Variants in TEX14 observed in about 807,000 individuals in gnomAD.
TEX14 encodes the protein inactive serine/threonine-protein kinase TEX14.
TEX14 carries 168 observed loss-of-function variants against 178.6 expected under a neutral mutation model. The observed-to-expected ratio is 0.94, with a 90% confidence interval of 0.83 to 1.07. The LOEUF is 1.07. Ranked by LOEUF, TEX14 falls within the 50% of genes least tolerant of loss-of-function variation. The probability of loss-of-function intolerance (pLI) is 0.00; values close to 1 mark genes in which losing one functional copy is unlikely to be tolerated. For synonymous variants in TEX14, 626 were observed against 634.1 expected, an observed-to-expected ratio of 0.99 and a Z score of 0.19; for missense variants, 1,730 against 1,753.6, an observed-to-expected ratio of 0.99 and a Z score of 0.24.
At chr17:58,616,951 A>G (rs1470837777) in intron 6 of TEX14, among the ~76,000 whole-genome samples, 2 of 152,176 alleles carry the variant, frequency 1.3e-5, no homozygotes, top group Admixed American at 1.3e-4. Flanking sequence ...TCAACACAAC[A>G]AACAGAACGG....
At chr17:58,631,571 C>T (rs1051487304) in intron 2 of TEX14, 9 of 151,778 alleles carry the variant, frequency 5.9e-5, no homozygotes, top group Admixed American at 2.6e-4. Flanking sequence ...CTGGCATAAC[C>T]TTATACTCAA....
chr17:58,640,644 T>TGTGTGAGA lies in TEX14; in HGVS notation c.137-10091_137-10090insTCTCACAC, dbSNP rs1555577606. Among the ~76,000 whole-genome samples the TGTGTGAGA allele has an allele frequency of 7.9e-4, 116 of 147,140 alleles. No individual in the cohort carries two copies. The Middle Eastern group carries it at 0.011, about 13-fold the overall frequency. On this transcript the variant is annotated intron_variant, in intron 2 of 31. Coordinates refer to ENST00000349033, the MANE Select transcript of TEX14 (RefSeq NM_031272.5). ...GTGTGTGTGTGTGTGTGTGTGTGTG[T>TGTGTGAGA]GAGAGAGAGAGAGAGAATGATAAAT...
chr17:58,557,191 C>A (rs1290074309), intron 31 of TEX14, 144 bp from the exon 32 acceptor site: 28 of 690,666 alleles, frequency 4.1e-5, no homozygotes, highest in Non-Finnish European at 7.2e-5. Flanking sequence ...GCGATTATAA[C>A]CAACAGTGTG....
intron 2 of TEX14, among the ~76,000 whole-genome samples, chr17:58,641,270 C>T (rs2046567878): frequency 6.6e-6 from 1 of 151,592 alleles, no homozygotes; most frequent in South Asian, 2.1e-4. Flanking sequence ...ATTAGCTGGG[C>T]GTGGTGGCAC....
Position 58,570,436 on chromosome 17 carries a change from C to A in TEX14, c.3766G>T (p.Ala1256Ser), listed in dbSNP as rs1225352166. Residue 1256 changes from alanine to serine, a missense_variant, in exon 25 of 32, where the codon GCA (alanine) becomes TCA (serine). By Grantham distance (99) the Ala-to-Ser change is moderately conservative (BLOSUM62 1). Coordinates refer to ENST00000349033, the MANE Select transcript of TEX14 (RefSeq NM_031272.5). ...GCATGGGGTGGTGATGAGTCACATGCCTTAACAAGGCTGGGGGATCCAGCC... is the reference window on the plus strand; with the variant it reads ...GCATGGGGTGGTGATGAGTCACATGACTTAACAAGGCTGGGGGATCCAGCC... ...IGAGSPSLVK[A>S]CDSSPPHATQ... 2 of 1,523,382 alleles carry A rather than the reference C, an allele frequency of 1.3e-6. No homozygotes were observed. The highest frequency in any genetic ancestry group is 1.5e-5 in the African/African-American group (1 of 68,382). 94.4% of individuals were successfully genotyped at this position (1,523,382 alleles called of 1,614,324 possible).
At chr17:58,627,957 GTTGCCC>G (rs2046187148) in intron 3 of TEX14, among the ~76,000 whole-genome samples, 2 of 107,120 alleles carry the variant, frequency 1.9e-5, no homozygotes, top group Non-Finnish European at 3.4e-5. Context: ...CAGGGTCTCT[GTTGCCC>G]AGGCTAGTCT....
At chr17:58,617,702 G>A in intron 5 of TEX14, 83 bp from the exon 6 acceptor site, 1 of 954,116 alleles carries the variant, frequency 1.0e-6, no homozygotes, top group Non-Finnish European at 1.6e-6. Context: ...GTTTTCAGAA[G>A]GTGTAGTTGA....
At chr17:58,631,794 T>C (rs1018658939) in intron 2 of TEX14, 8 of 152,230 alleles carry the variant, frequency 5.3e-5, no homozygotes, top group Admixed American at 1.3e-4. Context: ...GATATACTCC[T>C]CGAGAAACAC....
intron 1 of TEX14, chr17:58,661,112 C>T: frequency 1.1e-6 from 1 of 923,368 alleles, no homozygotes; most frequent in Non-Finnish European, 1.8e-6. Flanking sequence ...CTGCTTGTAT[C>T]GCTCTATTTT....
At chr17:58,603,770 C>T (rs1050112698) in intron 11 of TEX14, among the ~76,000 whole-genome samples, 1 of 151,312 alleles carries the variant, frequency 6.6e-6, no homozygotes, top group Admixed American at 6.6e-5. Flanking sequence ...AGGAGAATCG[C>T]TTGAACCCGG....
rs1447093389 is a variant in TEX14, at chr17:58,556,858, A to AC, written c.*152_*153insG. ...GAATGTGCTGCTAACAGAGAGGGCC[A>AC]AACGATGATGTCTATTGTGGCAGCT... On this transcript the variant is annotated 3_prime_UTR_variant, in exon 32 of 32. Coordinates refer to ENST00000349033, the MANE Select transcript of TEX14 (RefSeq NM_031272.5). 8 of 646,756 alleles carry AC rather than the reference A, an allele frequency of 1.2e-5. No individual in the cohort carries two copies. Among genetic ancestry groups the AC allele is most frequent in the Non-Finnish European group, 2.2e-5 (8 of 357,250 alleles). The allele number at this position is 646,756 out of a possible 1,614,324, so 40.1% of individuals were successfully genotyped here. A position where few individuals can be genotyped will look rare whatever the true frequency, so the allele number is the denominator to read the frequency against.
rs57839885 is a variant in TEX14 at position 58,566,860 on chromosome 17, C to T, written c.3887-1036G>A. On this transcript the variant is annotated intron_variant, in intron 26 of 31. Coordinates refer to ENST00000349033, the MANE Select transcript of TEX14 (RefSeq NM_031272.5). The stretch of plus-strand genomic sequence containing the variant: ...GAAAGCAAAGAATATCCATCATTTC[C>T]AGTTCCTAAAGAAATACTCAGCCTG... Among the ~76,000 whole-genome samples the T allele has an allele frequency of 9.3e-3, 1,406 of 151,430 alleles. 23 individuals are homozygous for T. The highest frequency in any genetic ancestry group is 0.031 in the African/African-American group (1,300 of 41,278).
intron 29 of TEX14, 34 bp downstream of exon 29, chr17:58,561,486 A>G (rs1026327218): frequency 6.9e-7 from 1 of 1,456,738 alleles, no homozygotes; most frequent in Non-Finnish European, 9.6e-7. Context: ...TTCCTGAAAA[A>G]GAAGAAAAGG....
chr17:58,620,849 AGAGTGGCACGCAGCACAGCCGTTAG>A (rs2045981508), intron 5 of TEX14, among the ~76,000 whole-genome samples: 1 of 140,634 alleles, frequency 7.1e-6, no homozygotes, highest in Non-Finnish European at 1.7e-5. Flanking sequence ...AAAACTGGCC[AGAGTGGCACGCAGCACAGCCGTTAG>A]GAGTTAACGG....
chr17:58,688,994 G>C (rs1001034796), intron 1 of TEX14, among the ~76,000 whole-genome samples: 1 of 151,998 alleles, frequency 6.6e-6, no homozygotes, highest in Non-Finnish European at 1.5e-5. Flanking sequence ...GCAGTGGCAT[G>C]ATCTTGGCTC....
chr17:58,558,623 C>T (rs2044203682), intron 30 of TEX14, among the ~76,000 whole-genome samples: 1 of 152,064 alleles, frequency 6.6e-6, no homozygotes, highest in Non-Finnish European at 1.5e-5. Context: ...AAAGGAATAC[C>T]AGATGATCTG....
At chr17:58,654,156 C>T (rs1322202104) in intron 1 of TEX14, among the ~76,000 whole-genome samples, 3 of 151,782 alleles carry the variant, frequency 2.0e-5, no homozygotes, top group Non-Finnish European at 2.9e-5. Flanking sequence ...CCAGCCTGGG[C>T]GACAGAGCAA....
intron 2 of TEX14, among the ~76,000 whole-genome samples, chr17:58,646,906 C>A (rs2046720929): frequency 6.6e-6 from 1 of 151,078 alleles, no homozygotes; most frequent in Non-Finnish European, 1.5e-5. Context: ...CTCAAGCACA[C>A]TCTTTTTTTT....
chr17:58,570,138 T>A (rs945376215), intron 25 of TEX14, among the ~76,000 whole-genome samples: 4 of 148,726 alleles, frequency 2.7e-5, no homozygotes, highest in African/African-American at 9.8e-5. Flanking sequence ...CATATTATTA[T>A]ATATTTATAA....
Sources: allele counts gnomAD v4.1 joint callset (sites outside exome capture counted in the v4.1 genomes callset), GRCh38; gene constraint gnomAD v4.1.1; transcripts MANE v1.5; gene names NCBI Gene and HGNC (gene_info 2026-07-23, HGNC 2026-07-21).